The following CERS1 variants were observed in gnomAD, a reference collection of about 807,000 sequenced individuals.
The protein encoded by CERS1 is ceramide synthase 1.
In CERS1, 16 loss-of-function variants were observed where a neutral mutation model predicts 35.7. That is an observed-to-expected ratio of 0.45 (90% CI 0.30 to 0.68). The LOEUF is 0.68. CERS1 is among the 30% of genes least tolerant of loss of function. The pLI is 0.08. For missense variants in CERS1, 454 were observed against 453.9 expected (o/e 1.00, Z 0.00); for synonymous variants, 243 against 201.6 (o/e 1.21, Z -1.74).
chr19:18,888,572 T>TG (rs2056418853), intron 2 of CERS1, among the ~76,000 whole-genome samples: 3 of 144,738 alleles, frequency 2.1e-5, no homozygotes, highest in South Asian at 4.4e-4. Flanking sequence ...GGCTCATGCC[T>TG]GTAATCCCAG....
At position 18,894,587 on chromosome 19, in the gene CERS1, C is replaced by CGGCTTGCCCTCCTGGGTCTCG. The variant is rs1336033552; in HGVS notation, c.250-1033_250-1013dup. On this transcript the variant is annotated intron_variant, in intron 1 of 7. Transcript: ENST00000623882. Reference sequence around the variant, plus strand: ...CCTCCTGTCCCGCAGGGGTGGGGGACGGCTTGCCCTCCTGGGTCTCGGGCT... The same window carrying CGGCTTGCCCTCCTGGGTCTCG: ...CCTCCTGTCCCGCAGGGGTGGGGGACGGCTTGCCCTCCTGGGTCTCGGGCTTGCCCTCCTGGGTCTCGGGCT... Among the ~76,000 whole-genome samples the CGGCTTGCCCTCCTGGGTCTCG allele has an allele frequency of 2.6e-5, 4 of 152,158 alleles. No individual in the cohort carries two copies. The South Asian group carries it at 8.3e-4, about 32-fold the overall frequency.
intron 6 of CERS1, among the ~76,000 whole-genome samples, chr19:18,877,546 G>A (rs1050140334): frequency 3.9e-5 from 6 of 152,128 alleles, no homozygotes; most frequent in African/African-American, 1.2e-4. Context: ...GAGCCCAGGT[G>A]TTTGAGACCA....
At chr19:18,893,204 C>T (rs893541057) in intron 2 of CERS1, among the ~76,000 whole-genome samples, 2 of 151,246 alleles carry the variant, frequency 1.3e-5, no homozygotes, top group South Asian at 2.1e-4. Flanking sequence ...TGAGCCACTG[C>T]GCCTGGCCCT....
At chr19:18,880,766 G>C (rs552872349) in intron 3 of CERS1, among the ~76,000 whole-genome samples, 12 of 151,638 alleles carry the variant, frequency 7.9e-5, no homozygotes, top group African/African-American at 1.7e-4. Context: ...TGGTGTGATC[G>C]GGCCCACTGC....
chr19:18,889,288 G>A (rs988478864), intron 2 of CERS1, among the ~76,000 whole-genome samples: 2 of 152,076 alleles, frequency 1.3e-5, no homozygotes, highest in Non-Finnish European at 2.9e-5. Flanking sequence ...ATGTGAGCCC[G>A]AGCTTTTGCC....
At chr19:18,888,539 A>C (rs985220439) in intron 2 of CERS1, among the ~76,000 whole-genome samples, 48 of 150,196 alleles carry the variant, frequency 3.2e-4, no homozygotes, top group Non-Finnish European at 6.2e-4. Context: ...AAAAAAAAAA[A>C]AAAAAAACAG....
intron 6 of CERS1, among the ~76,000 whole-genome samples, chr19:18,871,838 G>A (rs962645938): frequency 7.2e-5 from 11 of 152,184 alleles, no homozygotes; most frequent in African/African-American, 1.9e-4. Context: ...CGTGAGTGGC[G>A]TTTCTTCATC....
chr19:18,896,053 G>A lies in CERS1; in HGVS notation c.20C>T (p.Ala7Val). The A allele has an allele frequency of 2.0e-6, 2 of 984,034 alleles. No individual in the cohort carries two copies. Among genetic ancestry groups the A allele is most frequent in the South Asian group, 9.1e-5 (2 of 21,968 alleles). The allele number at this position is 984,034 out of a possible 1,614,324, so 61.0% of individuals were successfully genotyped here. ...GGGCTCGGGCCCCGTCGGCCCCGCCGCGGGCCCCGCCGCCGCCATACCGCC... is the reference window on the plus strand; with the variant it reads ...GGGCTCGGGCCCCGTCGGCCCCGCCACGGGCCCCGCCGCCGCCATACCGCC... The part of the protein sequence containing the change: MAAAGP[A>V]AGPTGPEPMP... The change falls in exon 1 of 8, where the codon GCG becomes GTG. Residue 7 changes from alanine (A) to valine (V), a missense_variant. Physicochemically the swap from Ala to Val is moderately conservative, Grantham distance 64. Transcript: ENST00000623882. The surrounding 1 kb of genome is among the most constrained non-coding windows in gnomAD (Gnocchi z 5.9).
chr19:18,874,597 G>A (rs1601154576), intron 6 of CERS1, among the ~76,000 whole-genome samples: 1 of 152,230 alleles, frequency 6.6e-6, no homozygotes, highest in Non-Finnish European at 1.5e-5. Context: ...GGCCGGTCCC[G>A]GCAGCCCCTG....
Position 18,893,478 on chromosome 19 carries a change from C to T in CERS1, c.347G>A (p.Ser116Asn). The T allele has an allele frequency of 6.2e-7, 1 of 1,607,594 alleles. No homozygotes were observed. ...FLFYLGSWSY[S>N]AYLLFGTDYP... ...GTCGGTGCCAAACAGCAGGTAGGCA[C>T]TGTAGCTCCAGCTGCCCAGGTAGAA... is the stretch of plus-strand genomic sequence containing the variant. Residue 116 changes from serine to asparagine, a missense_variant, in exon 2 of 8, where the codon AGT becomes AAT. Coordinates refer to ENST00000623882, the MANE Select transcript of CERS1 (RefSeq NM_021267.5).
chr19:18,892,607 C>T (rs1280907148), intron 2 of CERS1, among the ~76,000 whole-genome samples: 3 of 152,002 alleles, frequency 2.0e-5, no homozygotes, highest in East Asian at 3.9e-4. Flanking sequence ...GAGCGAGACT[C>T]CATCTCAAAA....
Position 18,895,983 on chromosome 19 carries a change from C to T in CERS1, c.90G>A (p.Ala30=), listed in dbSNP as rs1325146617. 1.9e-6 allele frequency: 2 copies of T among 1,044,796 alleles called. No homozygotes were observed. The highest frequency in any genetic ancestry group is 3.5e-5 in the South Asian group (1 of 28,518). 64.7% of individuals were successfully genotyped at this position (1,044,796 alleles called of 1,614,324 possible). The change falls in exon 1 of 8, where the codon GCG becomes GCA. Residue 30 remains alanine, a synonymous_variant. Coordinates refer to ENST00000623882, the MANE Select transcript of CERS1 (RefSeq NM_021267.5). This position sits in a 1 kb window ranked among gnomAD's most constrained non-coding sequence, Gnocchi z 6.4. ...AQLVQRGWGS[A]LAAARGCTDC... is the part of the protein sequence containing the mutation. ...CCGTGCAGCCCCGCGCCGCCGCCAG[C>T]GCGCTGCCCCAGCCGCGCTGCACTA...
At chr19:18,873,058 T>C (rs1412962967) in intron 6 of CERS1, among the ~76,000 whole-genome samples, 1 of 151,818 alleles carries the variant, frequency 6.6e-6, no homozygotes, top group African/African-American at 2.4e-5. Flanking sequence ...ACTTTCTAGA[T>C]GTTTCTTCAT....
intron 3 of CERS1, among the ~76,000 whole-genome samples, 195 bp from the exon 4 acceptor site, chr19:18,880,630 C>T (rs550707154): frequency 6.6e-6 from 1 of 152,074 alleles, no homozygotes; most frequent in Non-Finnish European, 1.5e-5. Context: ...CCCCACTTAG[C>T]CGTGCACCCC....
intron 6 of CERS1, among the ~76,000 whole-genome samples, chr19:18,876,241 C>T (rs1483321874): frequency 6.6e-6 from 1 of 152,246 alleles, no homozygotes; most frequent in African/African-American, 2.4e-5. Flanking sequence ...CTGCCTTGGC[C>T]TCCCAAAGTG....
chr19:18,896,067 C>G lies in CERS1; in HGVS notation c.6G>C (p.Ala2=). The G allele has an allele frequency of 1.0e-6, 1 of 974,538 alleles. No homozygotes were observed. Among genetic ancestry groups the G allele is most frequent in the Non-Finnish European group, 1.2e-6 (1 of 822,058 alleles). 60.4% of individuals were successfully genotyped at this position (974,538 alleles called of 1,614,324 possible). A position where few individuals can be genotyped will look rare whatever the true frequency, so the allele number is the denominator to read the frequency against. M[A]AAGPAAGPTG... Reference sequence around the variant, plus strand: ...TCGGCCCCGCCGCGGGCCCCGCCGCCGCCATACCGCCCGCTCGCCCGCCGT... The same window carrying G: ...TCGGCCCCGCCGCGGGCCCCGCCGCGGCCATACCGCCCGCTCGCCCGCCGT... Residue 2 remains alanine, a synonymous_variant, in exon 1 of 8, where the codon GCG becomes GCC. Transcript: ENST00000623882. This position sits in a 1 kb window ranked among gnomAD's most constrained non-coding sequence, Gnocchi z 5.9.
chr19:18,886,272 G>A (rs2056357105), intron 2 of CERS1, among the ~76,000 whole-genome samples: 1 of 152,090 alleles, frequency 6.6e-6, no homozygotes, highest in African/African-American at 2.4e-5. Context: ...AGCTGGGGCC[G>A]GGCGCAGTGG....
In CERS1 at chr19:18,870,831, C is replaced by A. The variant is rs375134261; in HGVS notation, c.1011-212G>T. On this transcript the variant is annotated intron_variant, in intron 6 of 7. Coordinates refer to ENST00000623882, the MANE Select transcript of CERS1 (RefSeq NM_021267.5). This position sits in a 1 kb window ranked among gnomAD's most constrained non-coding sequence, Gnocchi z 5.1. The stretch of plus-strand genomic sequence containing the variant: ...AACCTGCCCCGTAGGCACGTATGTC[C>A]CCCCTGGCACCCTGGCACTTCCTCC... Among the ~76,000 whole-genome samples, 25 of 152,198 alleles carry A rather than the reference C, an allele frequency of 1.6e-4. No homozygotes were observed. Among genetic ancestry groups the A allele is most frequent in the African/African-American group, 5.8e-4 (24 of 41,524 alleles).
intron 2 of CERS1, among the ~76,000 whole-genome samples, chr19:18,885,157 T>A (rs2056318348): frequency 6.6e-6 from 1 of 152,224 alleles, no homozygotes; most frequent in African/African-American, 2.4e-5. Flanking sequence ...TTGCTACAAA[T>A]GCTGAACTAA....
Sources: gnomAD v4.1 joint callset for allele counts (sites outside exome capture counted in the v4.1 genomes callset) on GRCh38, gnomAD v4.1.1 for gene constraint, Gnocchi (gnomAD v3.1) non-coding constraint, MANE v1.5 for transcripts, NCBI Gene and HGNC (gene_info 2026-07-23, HGNC 2026-07-21) for gene names.